Variants in EXOC6B observed in about 807,000 individuals in gnomAD.
The protein encoded by EXOC6B is SEC15 homolog B.
In EXOC6B, 54 loss-of-function variants were observed where a neutral mutation model predicts 113.5. The ratio of observed to expected loss-of-function variants is 0.48; its 90% CI spans 0.38 to 0.60. The LOEUF (loss-of-function observed/expected upper bound fraction) is 0.60, where lower values mean the gene tolerates loss of function less well. EXOC6B is among the 20% of genes least tolerant of loss of function. The probability of loss-of-function intolerance (pLI) is 0.00; values close to 1 mark genes in which losing one functional copy is unlikely to be tolerated. For synonymous variants in EXOC6B, 357 were observed against 339.0 expected (o/e 1.05, Z -0.58); for missense variants, 797 against 977.5 (o/e 0.82, Z 2.46).
rs1318893351 is a variant in EXOC6B at position 72,465,262 on chromosome 2, G to A, written c.1878C>T (p.Asp626=). The change falls in exon 18 of 22, where the codon GAC becomes GAT. Residue 626 remains aspartate (D), a synonymous_variant. Transcript: ENST00000272427. ...CCAAATCTCCGGTCATCCAGTCATA[G>A]TCTGCCAGCTGTAGGAACTGGTCAA... The part of the protein sequence containing the change: ...QKIDQFLQLA[D]YDWMTGDLGN... 1 of 1,610,310 alleles carries A rather than the reference G, an allele frequency of 6.2e-7. No individual in the cohort carries two copies.
intron 7 of EXOC6B, among the ~76,000 whole-genome samples, chr2:72,575,238 G>A (rs899385550): frequency 3.9e-5 from 6 of 152,076 alleles, no homozygotes; most frequent in South Asian, 2.1e-4. Context: ...AGCCAGTACA[G>A]AATTTAAAAA....
intron 1 of EXOC6B, among the ~76,000 whole-genome samples, chr2:72,803,001 T>A (rs1241178985): frequency 6.6e-6 from 1 of 152,168 alleles, no homozygotes; most frequent in Non-Finnish European, 1.5e-5. Flanking sequence ...AACGTGGTGA[T>A]CTGAAAGACC....
chr2:72,249,505 A>G (rs1682876933), intron 20 of EXOC6B, among the ~76,000 whole-genome samples: 1 of 152,198 alleles, frequency 6.6e-6, no homozygotes, highest in South Asian at 2.1e-4. Context: ...GAAAAGAAAA[A>G]AAAAAAGGAG....
At chr2:72,210,218 C>A (rs1289374888) in intron 20 of EXOC6B, among the ~76,000 whole-genome samples, 2 of 152,112 alleles carry the variant, frequency 1.3e-5, no homozygotes, top group Non-Finnish European at 2.9e-5. Context: ...TACTGTCATG[C>A]AAAACGCTGT....
At chr2:72,455,973 C>T (rs1430332055) in intron 18 of EXOC6B, among the ~76,000 whole-genome samples, 1 of 152,020 alleles carries the variant, frequency 6.6e-6, no homozygotes, top group East Asian at 1.9e-4. Flanking sequence ...GAAAAATGAC[C>T]TAGGATCTAG....
chr2:72,686,893 C>CT (rs1162249663), intron 6 of EXOC6B, among the ~76,000 whole-genome samples: 12 of 152,250 alleles, frequency 7.9e-5, no homozygotes, highest in African/African-American at 2.9e-4. Flanking sequence ...AATCCCAGCA[C>CT]TTTGGGAGGC....
At chr2:72,570,542 T>A (rs1285594156) in intron 7 of EXOC6B, among the ~76,000 whole-genome samples, 1 of 152,176 alleles carries the variant, frequency 6.6e-6, no homozygotes, top group Non-Finnish European at 1.5e-5. Flanking sequence ...ACATGAATCA[T>A]TTGGTCAACA....
rs1421108471 is a variant in EXOC6B, at chr2:72,409,405, GAC to G, written c.1981-29537_1981-29536del. ...GGATTACAAATCATGCTGCTATAAA[GAC>G]ACATGCCCATGTATGTTTATTGCGG... On this transcript the variant is annotated intron_variant, in intron 18 of 21. Coordinates refer to ENST00000272427, the MANE Select transcript of EXOC6B (RefSeq NM_015189.3). Among the ~76,000 whole-genome samples, 11 of 152,250 alleles carry G rather than the reference GAC, an allele frequency of 7.2e-5. No individual in the cohort carries two copies. In the East Asian group the frequency reaches 2.1e-3, roughly 29 times the overall value.
At chr2:72,225,857 T>C (rs964876553) in intron 20 of EXOC6B, among the ~76,000 whole-genome samples, 4 of 152,188 alleles carry the variant, frequency 2.6e-5, no homozygotes, top group Non-Finnish European at 4.4e-5. Flanking sequence ...CAGTGAATAA[T>C]TTGGTAAATG....
Position 72,184,039 on chromosome 2 carries a change from C to T in EXOC6B, c.2309+36G>A, listed in dbSNP as rs746063455. 4.1e-6 allele frequency: 5 copies of T among 1,207,176 alleles called. No homozygotes were observed. The Admixed American group carries it at 8.2e-5, about 20-fold the overall frequency. The allele number at this position is 1,207,176 out of a possible 1,614,324, so 74.8% of individuals were successfully genotyped here. On this transcript the variant is annotated intron_variant, in intron 21 of 21. Transcript: ENST00000272427. Reference sequence around the variant, plus strand: ...CGCCAACCCCCAATCCCTGTCTCCCCACCTCCCAACACAGACCATTGGACA... The same window carrying T: ...CGCCAACCCCCAATCCCTGTCTCCCTACCTCCCAACACAGACCATTGGACA...
intron 6 of EXOC6B, among the ~76,000 whole-genome samples, chr2:72,617,744 A>G (rs1264641810): frequency 6.6e-6 from 1 of 151,116 alleles, no homozygotes; most frequent in Admixed American, 6.6e-5. Context: ...CAAATTCCCA[A>G]CCTCAAGTGA....
chr2:72,579,198 A>G (rs1705051665), intron 6 of EXOC6B, among the ~76,000 whole-genome samples: 1 of 152,210 alleles, frequency 6.6e-6, no homozygotes. Flanking sequence ...AATAACTACA[A>G]GTATTCTGGC....
intron 20 of EXOC6B, among the ~76,000 whole-genome samples, chr2:72,271,890 C>T (rs1472629389): frequency 6.6e-6 from 1 of 152,142 alleles, no homozygotes; most frequent in Non-Finnish European, 1.5e-5. Context: ...CCCTTCCACT[C>T]CACATGCTGC....
At chr2:72,488,140 T>C (rs1699535202) in intron 16 of EXOC6B, among the ~76,000 whole-genome samples, 1 of 152,204 alleles carries the variant, frequency 6.6e-6, no homozygotes, top group Non-Finnish European at 1.5e-5. Flanking sequence ...CTTCACCTTC[T>C]TTTTATCAAT....
intron 20 of EXOC6B, among the ~76,000 whole-genome samples, chr2:72,265,281 T>C (rs1347374180): frequency 7.1e-6 from 1 of 141,490 alleles, no homozygotes; most frequent in Non-Finnish European, 1.5e-5. Flanking sequence ...ACTTTAAGTT[T>C]GAGGGTACAT....
chr2:72,565,627 A>G (rs1704126649), intron 7 of EXOC6B, among the ~76,000 whole-genome samples: 1 of 152,170 alleles, frequency 6.6e-6, no homozygotes, highest in Admixed American at 6.5e-5. Context: ...ATCATTCAAA[A>G]AATAGGCAAA....
chr2:72,408,597 C>T (rs554750017), intron 18 of EXOC6B, among the ~76,000 whole-genome samples: 6 of 152,018 alleles, frequency 3.9e-5, no homozygotes, highest in Non-Finnish European at 8.8e-5. Context: ...ACAAACCTGA[C>T]AAAAACAAGA....
chr2:72,692,511 C>G (rs1677565209), intron 6 of EXOC6B, among the ~76,000 whole-genome samples: 1 of 151,986 alleles, frequency 6.6e-6, no homozygotes, highest in African/African-American at 2.4e-5. Flanking sequence ...ACCACCATGC[C>G]CGGCTAATTT....
intron 1 of EXOC6B, among the ~76,000 whole-genome samples, chr2:72,789,810 A>AT (rs1014907166): frequency 6.6e-6 from 1 of 152,080 alleles, no homozygotes; most frequent in African/African-American, 2.4e-5. Flanking sequence ...TGTTCTTTCG[A>AT]TTTTTTTGCA....
Sources: allele counts gnomAD v4.1 joint callset (sites outside exome capture counted in the v4.1 genomes callset), GRCh38; gene constraint gnomAD v4.1.1; transcripts MANE v1.5; gene names NCBI Gene and HGNC (gene_info 2026-07-23, HGNC 2026-07-21).